ARHGAP32: variants seen among roughly 807,000 people sequenced by gnomAD.
ARHGAP32 encodes the protein Rho GTPase activating protein 32.
ARHGAP32 carries 51 observed loss-of-function variants against 186.5 expected under a neutral mutation model. That is an observed-to-expected ratio of 0.27 (90% CI 0.22 to 0.35). The LOEUF is 0.35. Among genes scored for constraint, ARHGAP32 ranks in the 10% least tolerant of loss-of-function variants. ARHGAP32 has a pLI of 1.00. For missense variants in ARHGAP32, 2,186 were observed against 2,623.5 expected (o/e 0.83, Z 3.64); for synonymous variants, 950 against 964.3 (o/e 0.99, Z 0.27).
chr11:129,152,674 C>T (rs1019716067), intron 2 of ARHGAP32, among the ~76,000 whole-genome samples: 7 of 152,130 alleles, frequency 4.6e-5, no homozygotes, highest in African/African-American at 1.7e-4. Context: ...TAGCATTTGA[C>T]AAAATCCAGT....
At chr11:129,113,820 C>T (rs548148004) in intron 5 of ARHGAP32, among the ~76,000 whole-genome samples, 3 of 151,920 alleles carry the variant, frequency 2.0e-5, no homozygotes, top group Non-Finnish European at 4.4e-5. Context: ...GTCATCTTTC[C>T]TCACATATTC....
chr11:129,027,572 G>A (rs531166329), intron 11 of ARHGAP32, among the ~76,000 whole-genome samples: 22 of 152,112 alleles, frequency 1.4e-4, no homozygotes, highest in African/African-American at 2.4e-4. Context: ...CTGCTGTTCC[G>A]TCTTTGGAAA....
intron 12 of ARHGAP32, chr11:128,993,178 AC>A (rs1946107811): frequency 6.6e-6 from 1 of 152,344 alleles, no homozygotes; most frequent in East Asian, 1.9e-4. Flanking sequence ...CTGATTTTTC[AC>A]TAGGAAATAT....
intron 5 of ARHGAP32, among the ~76,000 whole-genome samples, chr11:129,116,353 G>A (rs910934063): frequency 2.0e-5 from 3 of 151,962 alleles, no homozygotes; most frequent in African/African-American, 4.8e-5. Flanking sequence ...AATCTCAAAC[G>A]AGATACAGTG....
intron 2 of ARHGAP32, among the ~76,000 whole-genome samples, chr11:129,164,009 C>G (rs1943582855): frequency 6.6e-6 from 1 of 152,066 alleles, no homozygotes; most frequent in African/African-American, 2.4e-5. Context: ...GATAAACACA[C>G]TACTCACTCC....
At chr11:129,208,423 G>T (rs1042378039) in intron 1 of ARHGAP32, among the ~76,000 whole-genome samples, 1 of 152,072 alleles carries the variant, frequency 6.6e-6, no homozygotes, top group Non-Finnish European at 1.5e-5. Flanking sequence ...TTTTGTCAAG[G>T]AGAACTAGAT....
intron 1 of ARHGAP32, among the ~76,000 whole-genome samples, chr11:129,270,042 T>C (rs1366362977): frequency 6.6e-6 from 1 of 151,320 alleles, no homozygotes; most frequent in Non-Finnish European, 1.5e-5. Flanking sequence ...AACTTACTTA[T>C]TAAAAAAAAA....
rs146442767 is a variant in ARHGAP32 at position 129,258,683 on chromosome 11, T to C, written c.-5+20463A>G. 8.3e-4 allele frequency among the ~76,000 whole-genome samples: 126 copies of C among 152,340 alleles called. 1 individual carries two copies. The highest frequency in any genetic ancestry group is 6.8e-3 in the Middle Eastern group (2 of 294). On this transcript the variant is annotated intron_variant, in intron 1 of 6. Coordinates refer to the ARHGAP32 transcript ENST00000525234. ...TTAAAGAACTTCTGCCAGTAAATTA[T>C]TGTATTTCTTAAGAGTAGCTGATAA...
chr11:129,047,129 CAA>C (rs370486338), intron 10 of ARHGAP32, among the ~76,000 whole-genome samples: 2 of 127,180 alleles, frequency 1.6e-5, no homozygotes, highest in Non-Finnish European at 3.3e-5. Context: ...GACTCCGTCT[CAA>C]AAAAAAAAAA....
At chr11:129,128,302 T>C (rs977348874) in intron 2 of ARHGAP32, among the ~76,000 whole-genome samples, 1 of 152,168 alleles carries the variant, frequency 6.6e-6, no homozygotes, top group African/African-American at 2.4e-5. Flanking sequence ...TTTCCATTCA[T>C]CAAGAGGATA....
At chr11:129,213,453 T>A (rs971825115) in intron 1 of ARHGAP32, among the ~76,000 whole-genome samples, 1 of 152,124 alleles carries the variant, frequency 6.6e-6, no homozygotes, top group African/African-American at 2.4e-5. Context: ...TGGCAGCAGG[T>A]GCGTAACAGT....
upstream of ARHGAP32, among the ~76,000 whole-genome samples, chr11:129,279,554 G>A (rs927385725): frequency 7.0e-6 from 1 of 143,550 alleles, no homozygotes; most frequent in African/African-American, 2.5e-5. Flanking sequence ...GCCCCCGCCG[G>A]AGCCCGCCGC....
rs1938563204 is a variant in ARHGAP32 at position 129,020,843 on chromosome 11, A to G, written c.1045+20085T>C. On this transcript the variant is annotated intron_variant, in intron 11 of 22. Coordinates refer to ENST00000682385, the MANE Select transcript of ARHGAP32 (RefSeq NM_001378024.1). ...ATGTACTACAAAGCTATTGTAGAGT[A>G]GGAAAGTACAGAATCACTTTTGATC... Among the ~76,000 whole-genome samples, 5 of 152,198 alleles carry G rather than the reference A, an allele frequency of 3.3e-5. No individual in the cohort carries two copies. In the South Asian group the frequency reaches 1.0e-3, roughly 32 times the overall value.
In ARHGAP32 at chr11:128,965,178, A is replaced by ACC. The variant is rs1207197803; in HGVS notation, c.*3727_*3728dup. On this transcript the variant is annotated 3_prime_UTR_variant, in exon 23 of 23. Transcript: ENST00000682385. ...AAAATCCCTTCCTCCCTCCCCTGCCACCCCCCACCCCACCCTGCAACCAAA... is the reference window on the plus strand; with the variant it reads ...AAAATCCCTTCCTCCCTCCCCTGCCACCCCCCCCACCCCACCCTGCAACCAAA... 1 of 107,644 alleles carries ACC rather than the reference A, an allele frequency of 9.3e-6. No individual in the cohort carries two copies. Among genetic ancestry groups the ACC allele is most frequent in the Non-Finnish European group, 1.9e-5 (1 of 52,504 alleles). The allele number at this position is 107,644 out of a possible 1,614,324, so 6.7% of individuals were successfully genotyped here.
chr11:129,005,536 A>G (rs1937717331), intron 11 of ARHGAP32, among the ~76,000 whole-genome samples: 1 of 152,160 alleles, frequency 6.6e-6, no homozygotes, highest in Non-Finnish European at 1.5e-5. Flanking sequence ...ACTCTAGGGC[A>G]AAGTTTTTTT....
chr11:129,048,600 T>C (rs1043358479), intron 10 of ARHGAP32, among the ~76,000 whole-genome samples: 11 of 151,828 alleles, frequency 7.2e-5, no homozygotes, highest in Admixed American at 5.2e-4. Flanking sequence ...GAATCTACAC[T>C]GGAAAAGAAG....
intron 11 of ARHGAP32, among the ~76,000 whole-genome samples, chr11:129,029,978 G>C (rs2134958475): frequency 6.6e-6 from 1 of 152,128 alleles, no homozygotes; most frequent in South Asian, 2.1e-4. Context: ...TAAATTTTCT[G>C]TTTTCCCCTG....
rs1189915040 is a variant in ARHGAP32, at chr11:129,003,393, T to C, written c.1046-4925A>G. ...TTTTGGTATCAGTGTAATATTGGCT[T>C]TGTAGAATTCGTTTGGAAGTACTCT... On this transcript the variant is annotated intron_variant, in intron 11 of 22. Coordinates refer to ENST00000682385, the MANE Select transcript of ARHGAP32 (RefSeq NM_001378024.1). Among the ~76,000 whole-genome samples the C allele has an allele frequency of 2.6e-5, 4 of 152,230 alleles. No individual in the cohort carries two copies. The East Asian group carries it at 7.7e-4, about 29-fold the overall frequency.
chr11:128,981,679 T>C, intron 16 of ARHGAP32, 118 bp from the exon 17 acceptor site: 1 of 1,248,568 alleles, frequency 8.0e-7, no homozygotes, highest in East Asian at 2.4e-5. Context: ...TACTGTCCCT[T>C]AGCTAAGGCC....
Sources: gnomAD v4.1 joint callset for allele counts (sites outside exome capture counted in the v4.1 genomes callset) on GRCh38, gnomAD v4.1.1 for gene constraint, MANE v1.5 for transcripts, NCBI Gene and HGNC (gene_info 2026-07-23, HGNC 2026-07-21) for gene names.